Variants in KBTBD3 observed in about 807,000 individuals in gnomAD.
KBTBD3 encodes the protein kelch repeat and BTB domain-containing protein 3.
In KBTBD3, 38 loss-of-function variants were observed where a neutral mutation model predicts 49.6. That is an observed-to-expected ratio of 0.77 (90% CI 0.59 to 1.00). The LOEUF (loss-of-function observed/expected upper bound fraction) is 1.00, where lower values mean the gene tolerates loss of function less well. Ranked by LOEUF, KBTBD3 falls within the 50% of genes least tolerant of loss-of-function variation. The pLI is 0.00. For missense variants in KBTBD3, 661 were observed against 712.0 expected (o/e 0.93, Z 0.81); for synonymous variants, 214 against 250.4 (o/e 0.85, Z 1.37).
chr11:106,066,063 T>C (rs949318469), intron 2 of KBTBD3, among the ~76,000 whole-genome samples: 1 of 151,998 alleles, frequency 6.6e-6, no homozygotes, highest in Non-Finnish European at 1.5e-5. Flanking sequence ...CTTGTGCATG[T>C]TAATAAACTG....
At chr11:106,072,650 A>G (rs2135024453) in intron 2 of KBTBD3, among the ~76,000 whole-genome samples, 1 of 152,350 alleles carries the variant, frequency 6.6e-6, no homozygotes, top group East Asian at 1.9e-4. Flanking sequence ...AAAAGTAATG[A>G]CAAAAATCAT....
At chr11:106,074,616 T>C (rs1860994016) in intron 2 of KBTBD3, among the ~76,000 whole-genome samples, 1 of 152,204 alleles carries the variant, frequency 6.6e-6, no homozygotes, top group South Asian at 2.1e-4. Flanking sequence ...GGCATAGATT[T>C]CTAGATTTAG....
At position 106,075,803 on chromosome 11, in the gene KBTBD3, T is replaced by A. The variant is rs1181493868; in HGVS notation, c.-13+704A>T. Among the ~76,000 whole-genome samples the A allele has an allele frequency of 2.6e-5, 4 of 152,112 alleles. 1 individual carries two copies. Among genetic ancestry groups the A allele is most frequent in the Non-Finnish European group, 4.4e-5 (3 of 68,006 alleles). On this transcript the variant is annotated intron_variant, in intron 2 of 3. Coordinates refer to ENST00000531837, the MANE Select transcript of KBTBD3 (RefSeq NM_198439.3). ...AATGATACAGAGGAAACAAGGAATG[T>A]GATAATGGGAGAAGGGGAGAATATT...
intron 3 of KBTBD3, among the ~76,000 whole-genome samples, chr11:106,055,150 C>G (rs902776327): frequency 2.0e-5 from 3 of 152,122 alleles, no homozygotes; most frequent in Non-Finnish European, 1.5e-5. Context: ...ATTAGACCAG[C>G]TTGAAAGTTC....
chr11:106,076,713 G>A lies in KBTBD3; in HGVS notation c.-213-6C>T, dbSNP rs553686725. The A allele has an allele frequency of 6.6e-6, 1 of 152,302 alleles. No individual in the cohort carries two copies. Among genetic ancestry groups the A allele is most frequent in the East Asian group, 1.9e-4 (1 of 5,174 alleles). The allele number at this position is 152,302 out of a possible 1,614,324, so 9.4% of individuals were successfully genotyped here. A position where few individuals can be genotyped will look rare whatever the true frequency, so the allele number is the denominator to read the frequency against. ...CAACAGCCTACACGGAACAACTAAG[G>A]AAACAGACATACATCAATATGACCC... On this transcript the variant is annotated splice_polypyrimidine_tract_variant and splice_region_variant and intron_variant, in intron 1 of 3. Coordinates refer to ENST00000531837, the MANE Select transcript of KBTBD3 (RefSeq NM_198439.3).
chr11:106,066,686 A>C (rs531840397), intron 2 of KBTBD3, among the ~76,000 whole-genome samples: 1 of 151,842 alleles, frequency 6.6e-6, no homozygotes, highest in African/African-American at 2.4e-5. Flanking sequence ...GCTGTGCCAC[A>C]GAGTTCACAT....
In KBTBD3 at chr11:106,052,285, T is replaced by A. The variant is rs1402823033; in HGVS notation, c.*565A>T. ...CTAATGGCATTATAACATGGTACAT[T>A]ATGCTTTTAATGAAAAAATGAGTCA... On this transcript the variant is annotated 3_prime_UTR_variant, in exon 4 of 4. Coordinates refer to ENST00000531837, the MANE Select transcript of KBTBD3 (RefSeq NM_198439.3). 6.6e-6 allele frequency: 1 copy of A among 151,940 alleles called. No individual in the cohort carries two copies. The highest frequency in any genetic ancestry group is 2.4e-5 in the African/African-American group (1 of 41,370). 9.4% of individuals were successfully genotyped at this position (151,940 alleles called of 1,614,324 possible). A position where few individuals can be genotyped will look rare whatever the true frequency, so the allele number is the denominator to read the frequency against.
rs1184621355 is a variant in KBTBD3 at position 106,053,319 on chromosome 11, T to C, written c.1370A>G (p.Tyr457Cys). ...AATCTCTACCTCTGATCCAAGAACA[T>C]AAATTACATTTTGGCATGTGCTTGC... ...PEASTCQNVI[Y>C]VLGSEVEITD... Residue 457 changes from tyrosine to cysteine, a missense_variant, in exon 4 of 4, where the codon TAT becomes TGT. Physicochemically the swap from Tyr to Cys is radical, Grantham distance 194. Coordinates refer to ENST00000531837, the MANE Select transcript of KBTBD3 (RefSeq NM_198439.3). The C allele has an allele frequency of 6.2e-7, 1 of 1,613,452 alleles. No individual in the cohort carries two copies. Among genetic ancestry groups the C allele is most frequent in the South Asian group, 1.1e-5 (1 of 91,072 alleles).
At chr11:106,073,125 G>T (rs573413708) in intron 2 of KBTBD3, among the ~76,000 whole-genome samples, 84 of 152,176 alleles carry the variant, frequency 5.5e-4, no homozygotes, top group Non-Finnish European at 1.0e-3. Flanking sequence ...ACAGGGTCTT[G>T]CTGTGTCACC....
chr11:106,076,128 G>T (rs964228522), intron 2 of KBTBD3: 11 of 152,160 alleles, frequency 7.2e-5, no homozygotes, highest in African/African-American at 2.7e-4. Flanking sequence ...ATGGAGAAGT[G>T]AGTTATGATC....
chr11:106,060,587 GTA>G (rs1007006981), intron 2 of KBTBD3, among the ~76,000 whole-genome samples: 10 of 152,096 alleles, frequency 6.6e-5, no homozygotes, highest in African/African-American at 2.4e-4. Context: ...CTGGCTAGCT[GTA>G]TGCAGAAAAC....
At chr11:106,065,241 C>T (rs762131581) in intron 2 of KBTBD3, among the ~76,000 whole-genome samples, 2 of 152,102 alleles carry the variant, frequency 1.3e-5, no homozygotes, top group African/African-American at 2.4e-5. Context: ...CTCTTGACCT[C>T]GTGATCCGCC....
In KBTBD3 at chr11:106,056,621, A is replaced by T. The variant is rs557102305; in HGVS notation, c.234-2166T>A. Among the ~76,000 whole-genome samples the T allele has an allele frequency of 1.4e-3, 217 of 152,358 alleles. 2 individuals are homozygous for T. The highest frequency in any genetic ancestry group is 5.1e-3 in the African/African-American group (211 of 41,590). ...AGGTACGGTGCTAATTATCACTTATATGTTATTTCATTTAAGCAATATAAT... is the reference window on the plus strand; with the variant it reads ...AGGTACGGTGCTAATTATCACTTATTTGTTATTTCATTTAAGCAATATAAT... On this transcript the variant is annotated intron_variant, in intron 3 of 3. Coordinates refer to ENST00000531837, the MANE Select transcript of KBTBD3 (RefSeq NM_198439.3).
chr11:106,073,279 T>A (rs544276284), intron 2 of KBTBD3, among the ~76,000 whole-genome samples: 47 of 143,810 alleles, frequency 3.3e-4, no homozygotes, highest in African/African-American at 1.2e-3. Context: ...TTTTTTTTTT[T>A]AATTTAGAGA....
intron 2 of KBTBD3, among the ~76,000 whole-genome samples, chr11:106,066,757 T>A (rs1451678113): frequency 6.7e-6 from 1 of 149,380 alleles, no homozygotes; most frequent in Non-Finnish European, 1.5e-5. Flanking sequence ...ACAAAAAGAC[T>A]CTGCTTCCAG....
At chr11:106,066,124 T>C (rs893103651) in intron 2 of KBTBD3, among the ~76,000 whole-genome samples, 1 of 152,280 alleles carries the variant, frequency 6.6e-6, no homozygotes, top group Non-Finnish European at 1.5e-5. Flanking sequence ...CACAACAATC[T>C]AAATTCAATA....
At chr11:106,054,540 C>A in intron 3 of KBTBD3, 85 bp from the exon 4 acceptor site, 1 of 972,720 alleles carries the variant, frequency 1.0e-6, no homozygotes, top group South Asian at 3.7e-5. Context: ...GGTTTCCTTA[C>A]TCTTGACTTA....
At chr11:106,076,445 CATAAT>C (rs1408601859) in intron 2 of KBTBD3, 57 bp downstream of exon 2, 1 of 152,140 alleles carries the variant, frequency 6.6e-6, no homozygotes, top group Non-Finnish European at 1.5e-5. Context: ...TAGATAAAAA[CATAAT>C]AGAACCCATC....
intron 2 of KBTBD3, among the ~76,000 whole-genome samples, chr11:106,074,121 CA>C (rs1243760802): frequency 3.4e-5 from 5 of 148,730 alleles, no homozygotes; most frequent in African/African-American, 1.2e-4. Flanking sequence ...CACCCCCCCC[CA>C]CACACATACC....
Sources: gnomAD v4.1 joint callset for allele counts (sites outside exome capture counted in the v4.1 genomes callset) on GRCh38, gnomAD v4.1.1 for gene constraint, MANE v1.5 for transcripts, NCBI Gene and HGNC (gene_info 2026-07-23, HGNC 2026-07-21) for gene names.